Variants in COPA observed in about 807,000 individuals in gnomAD.
The protein encoded by COPA is coatomer subunit alpha.
In COPA, 10 loss-of-function variants were observed where a neutral mutation model predicts 158.7. The observed-to-expected ratio is 0.06, with a 90% CI of 0.04 to 0.11. The LOEUF (loss-of-function observed/expected upper bound fraction) is 0.11. COPA is among the 10% of genes least tolerant of loss of function. The pLI is 1.00. For missense variants in COPA, 1,065 were observed against 1,536.7 expected (o/e 0.69, Z 5.13); for synonymous variants, 462 against 542.8 (o/e 0.85, Z 2.07).
chr1:160,310,870 G>T (rs763417295), intron 11 of COPA, among the ~76,000 whole-genome samples: 1 of 152,152 alleles, frequency 6.6e-6, no homozygotes, highest in East Asian at 1.9e-4. Flanking sequence ...GAAGGCAAGG[G>T]AGAGTTAAAG....
intron 10 of COPA, 59 bp from the exon 11 acceptor site, chr1:160,312,077 A>T (rs945836978): frequency 1.3e-5 from 21 of 1,562,474 alleles, no homozygotes; most frequent in Non-Finnish European, 1.8e-5. Flanking sequence ...AAAACCTGGA[A>T]ATTGGAGATA....
rs1439215824 is a variant in COPA at position 160,306,312 on chromosome 1, C to T, written c.1442+42G>A. On this transcript the variant is annotated intron_variant, in intron 15 of 32. Coordinates refer to ENST00000241704, the MANE Select transcript of COPA (RefSeq NM_004371.4). ...TTCCCACTAAAGATGTCCACTCTCC[C>T]CAACTACAGGGCTGTCTGCTTAGGG... The T allele has an allele frequency of 2.0e-6, 3 of 1,531,356 alleles. No homozygotes were observed. In the Admixed American group the frequency reaches 6.6e-5, roughly 34 times the overall value. The allele number at this position is 1,531,356 out of a possible 1,614,324, so 94.9% of individuals were successfully genotyped here.
chr1:160,288,807 T>C lies in COPA; in HGVS notation c.*1350A>G, dbSNP rs1658118662. Among the ~76,000 whole-genome samples, 1 of 152,172 alleles carries C rather than the reference T, an allele frequency of 6.6e-6. No individual in the cohort carries two copies. The highest frequency in any genetic ancestry group is 1.5e-5 in the Non-Finnish European group (1 of 68,030). ...ATCTGTATATTACATGTAAAATATC[T>C]AGAACAGTGACAGTCACATGGCAGG... On this transcript the variant is annotated 3_prime_UTR_variant, in exon 33 of 33. Transcript: ENST00000241704.
At chr1:160,290,322 G>A in intron 32 of COPA, 106 bp from the exon 33 acceptor site, 1 of 1,414,902 alleles carries the variant, frequency 7.1e-7, no homozygotes, top group Non-Finnish European at 9.8e-7. Context: ...AGGTATTGGG[G>A]TGTTCATCAC....
intron 26 of COPA, 64 bp downstream of exon 26, chr1:160,293,322 C>T (rs1658300702): frequency 1.2e-6 from 2 of 1,609,716 alleles, no homozygotes; most frequent in Non-Finnish European, 1.7e-6. Flanking sequence ...GTAGCCAACA[C>T]CTGTTATATA....
intron 17 of COPA, among the ~76,000 whole-genome samples, chr1:160,301,609 C>CA (rs898020241): frequency 8.8e-4 from 133 of 150,952 alleles, no homozygotes; most frequent in African/African-American, 1.1e-3. Flanking sequence ...CCCATCACTA[C>CA]AAAAAAAACA....
At chr1:160,290,932 G>C (rs993061692) in intron 31 of COPA, among the ~76,000 whole-genome samples, 2 of 152,172 alleles carry the variant, frequency 1.3e-5, no homozygotes, top group Non-Finnish European at 2.9e-5. Context: ...ACCAACTCTA[G>C]AGATTATCAG....
chr1:160,300,746 A>C (rs1658574036), intron 17 of COPA, among the ~76,000 whole-genome samples: 1 of 152,222 alleles, frequency 6.6e-6, no homozygotes, highest in South Asian at 2.1e-4. Flanking sequence ...TAGCAACCTA[A>C]AGCTAGCAAT....
chr1:160,316,064 A>C (rs1488380880), intron 8 of COPA, among the ~76,000 whole-genome samples: 1 of 152,232 alleles, frequency 6.6e-6, no homozygotes. Flanking sequence ...GGCTGTTTGA[A>C]AAATACACAG....
chr1:160,305,225 T>C lies in COPA; in HGVS notation c.1667+208A>G, dbSNP rs1315859162. The stretch of plus-strand genomic sequence containing the variant: ...ACATAACTTATTTGTTATTCTATTT[T>C]TTTTTAATGTAATTGTCTATATTTG... On this transcript the variant is annotated intron_variant, in intron 17 of 32. Coordinates refer to ENST00000241704, the MANE Select transcript of COPA (RefSeq NM_004371.4). The C allele has an allele frequency of 6.0e-6, 3 of 500,338 alleles. No homozygotes were observed. The East Asian group carries it at 9.7e-5, about 16-fold the overall frequency. 31.0% of individuals were successfully genotyped at this position (500,338 alleles called of 1,614,324 possible).
At position 160,292,542 on chromosome 1, in the gene COPA, T is replaced by G; in HGVS notation, c.2902A>C (p.Thr968Pro). 1 of 1,614,018 alleles carries G rather than the reference T, an allele frequency of 6.2e-7. No homozygotes were observed. Among genetic ancestry groups the G allele is most frequent in the South Asian group, 1.1e-5 (1 of 91,078 alleles). ...LFLQTYARGR[T>P]TYQALPCLPS... ...AGGCAGGGCAGAGCCTGATAGGTTG[T>G]GCGGCCTCGGGCGTATGTCTGTAGG... is the stretch of plus-strand genomic sequence containing the variant. Residue 968 changes from threonine to proline, a missense_variant, in exon 28 of 33, where the codon ACA (threonine) becomes CCA (proline). Thr to Pro is a conservative substitution (Grantham distance 38). This residue lies in a region of COPA where 980 missense variants were observed against 1,357.8 expected (regional missense o/e 0.72). Coordinates refer to ENST00000241704, the MANE Select transcript of COPA (RefSeq NM_004371.4).
At position 160,291,360 on chromosome 1, in the gene COPA, C is replaced by G; in HGVS notation, c.3395G>C (p.Gly1132Ala). ...CTGTTGGGCCACCTCAGGCTTGGGC[C>G]CGAGTTCTAGTAGGCGCCGAGCAAA... is the stretch of plus-strand genomic sequence containing the variant. ...ATFARRLLEL[G>A]PKPEVAQQTR... The change falls in exon 31 of 33, where the codon GGG becomes GCG. Residue 1132 changes from glycine (G) to alanine (A), a missense_variant. Gly to Ala is a moderately conservative substitution (Grantham distance 60). Around this residue, in one of 2 missense-constraint regions of COPA, gnomAD observed 980 missense variants for 1,357.8 expected, o/e 0.72. Coordinates refer to ENST00000241704, the MANE Select transcript of COPA (RefSeq NM_004371.4). 1 of 1,613,804 alleles carries G rather than the reference C, an allele frequency of 6.2e-7. No homozygotes were observed. The highest frequency in any genetic ancestry group is 8.5e-7 in the Non-Finnish European group (1 of 1,179,920).
chr1:160,290,253 TG>T, intron 32 of COPA, 37 bp from the exon 33 acceptor site: 1 of 1,611,348 alleles, frequency 6.2e-7, no homozygotes, highest in Non-Finnish European at 8.5e-7. Flanking sequence ...GTTAGAGATT[TG>T]TAAGATTGAG....
intron 4 of COPA, 135 bp downstream of exon 4, chr1:160,335,107 C>A: frequency 1.6e-6 from 1 of 623,566 alleles, no homozygotes. Context: ...GCAGAAAGGA[C>A]AATACCACAC....
At chr1:160,290,828 G>A in intron 31 of COPA, 142 bp from the exon 32 acceptor site, 3 of 745,442 alleles carry the variant, frequency 4.0e-6, no homozygotes. Context: ...TGTACTGGAT[G>A]TATGTGAAGG....
intron 32 of COPA, 50 bp from the exon 33 acceptor site, chr1:160,290,266 A>G: frequency 6.2e-7 from 1 of 1,603,862 alleles, no homozygotes; most frequent in African/African-American, 1.3e-5. Flanking sequence ...AAGATTGAGA[A>G]CCCTAGAAAA....
rs770169162 is a variant in COPA, at chr1:160,297,332, C to T, written c.2263+11G>A. The stretch of plus-strand genomic sequence containing the variant: ...AGACCCTGAAAAAGCTGGCAAGTCT[C>T]GGATACTTACTCTGTCCACAGTTCT... On this transcript the variant is annotated intron_variant, in intron 21 of 32. Coordinates refer to ENST00000241704, the MANE Select transcript of COPA (RefSeq NM_004371.4). 19 of 1,612,778 alleles carry T rather than the reference C, an allele frequency of 1.2e-5. No homozygotes were observed. Among genetic ancestry groups the T allele is most frequent in the African/African-American group, 5.3e-5 (4 of 74,898 alleles).
In COPA at chr1:160,295,867, G is replaced by T; in HGVS notation, c.2353-8C>A. On this transcript the variant is annotated splice_polypyrimidine_tract_variant and splice_region_variant and intron_variant, in intron 22 of 32. Coordinates refer to ENST00000241704, the MANE Select transcript of COPA (RefSeq NM_004371.4). ...AGGGTCAATGTCTGGGATCTGAATA[G>T]TAGAAGAAAAGAGGCTAAAAACAAA... 1 of 1,598,268 alleles carries T rather than the reference G, an allele frequency of 6.3e-7. No homozygotes were observed. The highest frequency in any genetic ancestry group is 8.5e-7 in the Non-Finnish European group (1 of 1,175,648).
At chr1:160,297,771 A>C in intron 19 of COPA, 26 bp from the exon 20 acceptor site, 1 of 1,609,014 alleles carries the variant, frequency 6.2e-7, no homozygotes, top group African/African-American at 1.3e-5. Context: ...GGTCGTGTTA[A>C]CAGGTTGAAG....
Sources: gnomAD v4.1 joint callset for allele counts (sites outside exome capture counted in the v4.1 genomes callset) on GRCh38, gnomAD v4.1.1 for gene constraint, gnomAD v4.1.1 regional missense constraint, MANE v1.5 for transcripts, NCBI Gene and HGNC (gene_info 2026-07-23, HGNC 2026-07-21) for gene names.